Variants in CA5A observed in about 807,000 individuals in gnomAD.
The protein encoded by CA5A is carbonic anhydrase 5A.
CA5A carries 28 observed loss-of-function variants against 37.1 expected under a neutral mutation model. The observed-to-expected ratio is 0.75, with a 90% CI of 0.56 to 1.03. The LOEUF is 1.03. CA5A is among the 50% of genes least tolerant of loss of function. The pLI is 0.00. For synonymous variants in CA5A, 171 were observed against 158.4 expected (o/e 1.08, Z -0.60); for missense variants, 444 against 399.9 (o/e 1.11, Z -0.94).
Position 87,888,100 on chromosome 16 carries a change from G to C in CA5A, c.*29C>G, listed in dbSNP as rs754181782. ...ACAACGCTTCCTTCCTTCAAAGTCA[G>C]TTCTGCTATTCATGTGGACCTAATG... On this transcript the variant is annotated 3_prime_UTR_variant, in exon 7 of 7. Transcript: ENST00000649794. The C allele has an allele frequency of 5.8e-6, 9 of 1,561,146 alleles. No individual in the cohort carries two copies. Among genetic ancestry groups the C allele is most frequent in the Non-Finnish European group, 8.7e-7 (1 of 1,149,778 alleles).
At chr16:87,925,598 A>G (rs2056294325) in intron 2 of CA5A, 2 of 152,260 alleles carry the variant, frequency 1.3e-5, no homozygotes, top group African/African-American at 2.4e-5. Flanking sequence ...GTGCTGGGAA[A>G]ACACCAGGTA....
chr16:87,888,406 A>G, intron 6 of CA5A, 134 bp from the exon 7 acceptor site: 1 of 786,208 alleles, frequency 1.3e-6, no homozygotes, highest in Non-Finnish European at 2.0e-6. Flanking sequence ...AATATGGTGG[A>G]AGTGATGGTG....
At chr16:87,893,606 C>A in intron 5 of CA5A, 1 of 701,664 alleles carries the variant, frequency 1.4e-6, no homozygotes, top group Non-Finnish European at 2.4e-6. Flanking sequence ...AGAGGGGAAG[C>A]TGACAGACAT....
intron 4 of CA5A, chr16:87,882,058 G>C (rs1163176893): frequency 3.9e-5 from 6 of 152,146 alleles, no homozygotes; most frequent in Non-Finnish European, 8.8e-5. Flanking sequence ...TGGCCGCTTG[G>C]GCCTTTCTCT....
chr16:87,905,191 C>T (rs1376162013), intron 2 of CA5A, among the ~76,000 whole-genome samples: 1 of 152,060 alleles, frequency 6.6e-6, no homozygotes, highest in Non-Finnish European at 1.5e-5. Context: ...CAACTCCCTG[C>T]AGGCAGAAAT....
intron 3 of CA5A, among the ~76,000 whole-genome samples, chr16:87,904,320 T>A (rs375464189): frequency 3.1e-4 from 47 of 150,112 alleles, no homozygotes; most frequent in African/African-American, 1.0e-3. Context: ...CCAGTCTGGG[T>A]GACAGAGTGA....
At chr16:87,912,229 G>A (rs1181227042) in intron 2 of CA5A, among the ~76,000 whole-genome samples, 1 of 152,130 alleles carries the variant, frequency 6.6e-6, no homozygotes, top group Admixed American at 6.6e-5. Context: ...TTGAACCCGG[G>A]AGGTGCATGT....
intron 1 of CA5A, 140 bp from the exon 2 acceptor site, chr16:87,927,085 G>C: frequency 1.6e-6 from 1 of 638,942 alleles, no homozygotes; most frequent in South Asian, 1.9e-5. Context: ...CGGGCGCGTG[G>C]GGGCCCCTGC....
chr16:87,923,229 C>A (rs2056254686), intron 2 of CA5A, among the ~76,000 whole-genome samples: 1 of 152,198 alleles, frequency 6.6e-6, no homozygotes, highest in Non-Finnish European at 1.5e-5. Flanking sequence ...CGCTCTGTCA[C>A]CCAAGCTGGA....
intron 6 of CA5A, 142 bp from the exon 7 acceptor site, chr16:87,888,414 G>A: frequency 1.4e-6 from 1 of 738,522 alleles, no homozygotes; most frequent in Non-Finnish European, 2.2e-6. Context: ...GGAAGTGATG[G>A]TGTGTGCAGG....
At chr16:87,927,620 C>G (rs1450492746) in intron 1 of CA5A, among the ~76,000 whole-genome samples, 1 of 152,024 alleles carries the variant, frequency 6.6e-6, no homozygotes, top group Admixed American at 6.6e-5. Flanking sequence ...CCAGCATTTT[C>G]GGAAGCAAGG....
intron 2 of CA5A, among the ~76,000 whole-genome samples, chr16:87,915,722 C>T (rs939463856): frequency 2.0e-4 from 28 of 137,912 alleles, no homozygotes; most frequent in African/African-American, 6.6e-4. Flanking sequence ...AAAGGAAAAA[C>T]TATTGTTTAT....
rs879548766 is a variant in CA5A, at chr16:87,907,922, G to A, written c.341-3018C>T. On this transcript the variant is annotated intron_variant, in intron 2 of 6. Coordinates refer to ENST00000649794, the MANE Select transcript of CA5A (RefSeq NM_001739.2). The stretch of plus-strand genomic sequence containing the variant: ...GCCTGGGCAACAAGAGTGAAACTCC[G>A]TCTCAAAAACAAACAAACAAACAAA... 9.2e-5 allele frequency among the ~76,000 whole-genome samples: 14 copies of A among 152,258 alleles called. No individual in the cohort carries two copies. In the South Asian group the frequency reaches 1.2e-3, roughly 14 times the overall value.
intron 2 of CA5A, among the ~76,000 whole-genome samples, chr16:87,914,782 G>C (rs1453730791): frequency 2.6e-5 from 4 of 152,178 alleles, no homozygotes; most frequent in African/African-American, 9.7e-5. Flanking sequence ...CTTGGGAGGG[G>C]CTGGCATGGA....
Position 87,920,863 on chromosome 16 carries a change from G to A in CA5A, c.340+5885C>T, listed in dbSNP as rs567807905. Among the ~76,000 whole-genome samples the A allele has an allele frequency of 2.5e-3, 384 of 152,106 alleles. 2 individuals are homozygous for A. Among genetic ancestry groups the A allele is most frequent in the African/African-American group, 8.7e-3 (362 of 41,488 alleles). The stretch of plus-strand genomic sequence containing the variant: ...GGCTGGAGTGCAATGGCACGATCTC[G>A]GCTGACCGCAACCTCCACCTACCAG... On this transcript the variant is annotated intron_variant, in intron 2 of 6. Coordinates refer to ENST00000649794, the MANE Select transcript of CA5A (RefSeq NM_001739.2).
intron 2 of CA5A, among the ~76,000 whole-genome samples, chr16:87,912,497 G>A (rs1470195495): frequency 6.6e-6 from 1 of 152,218 alleles, no homozygotes; most frequent in Non-Finnish European, 1.5e-5. Context: ...AACCATGCAA[G>A]CATAAAAGAA....
intron 2 of CA5A, among the ~76,000 whole-genome samples, chr16:87,915,525 A>ATTTTTTTTTTTT (rs1162468866): frequency 9.3e-6 from 1 of 107,128 alleles, no homozygotes. Flanking sequence ...CCTGTGTCAA[A>ATTTTTTTTTTTT]ATTTTTTTTT....
intron 2 of CA5A, among the ~76,000 whole-genome samples, chr16:87,914,152 C>T (rs1045907531): frequency 2.5e-4 from 38 of 152,156 alleles, no homozygotes; most frequent in African/African-American, 8.4e-4. Context: ...GCCATGTCAC[C>T]GATTTACAAT....
chr16:87,922,057 G>C (rs1597579477), intron 2 of CA5A, among the ~76,000 whole-genome samples: 1 of 151,924 alleles, frequency 6.6e-6, no homozygotes, highest in African/African-American at 2.4e-5. Flanking sequence ...TATTTTTGTA[G>C]AGATGCATTC....
Sources: gnomAD v4.1 joint callset for allele counts (sites outside exome capture counted in the v4.1 genomes callset) on GRCh38, gnomAD v4.1.1 for gene constraint, MANE v1.5 for transcripts, NCBI Gene and HGNC (gene_info 2026-07-23, HGNC 2026-07-21) for gene names.